The following SLC39A12 variants were observed in gnomAD, a reference collection of about 807,000 sequenced individuals.
SLC39A12 encodes zinc transporter ZIP12.
SLC39A12 carries 63 observed loss-of-function variants against 71.1 expected under a neutral mutation model. The ratio of observed to expected loss-of-function variants is 0.89; its 90% confidence interval spans 0.72 to 1.09. The LOEUF (loss-of-function observed/expected upper bound fraction) is 1.09, where lower values mean the gene tolerates loss of function less well. Ranked by LOEUF, SLC39A12 falls within the 50% of genes least tolerant of loss-of-function variation. The pLI is 0.00. For synonymous variants in SLC39A12, 351 were observed against 301.3 expected, an observed-to-expected ratio of 1.16 and a Z score of -1.71; for missense variants, 892 against 812.6, an observed-to-expected ratio of 1.10 and a Z score of -1.19.
chr10:17,981,775 C>T (rs751752836), intron 6 of SLC39A12, among the ~76,000 whole-genome samples: 5 of 152,232 alleles, frequency 3.3e-5, no homozygotes, highest in South Asian at 2.1e-4. Flanking sequence ...TTTCTAACCA[C>T]GATACATACT....
chr10:17,971,187 G>A lies in SLC39A12; in HGVS notation c.751+5497G>A, dbSNP rs559454145. 1.0e-4 allele frequency among the ~76,000 whole-genome samples: 15 copies of A among 147,484 alleles called. No homozygotes were observed. The East Asian group carries it at 1.8e-3, about 18-fold the overall frequency. ...AGTCATTATGAATGATCTTTTTAAT[G>A]GATTGTTGAATTCAATTGCTAGTAT... On this transcript the variant is annotated intron_variant, in intron 4 of 12. Coordinates refer to ENST00000377369, the MANE Select transcript of SLC39A12 (RefSeq NM_001145195.2).
intron 6 of SLC39A12, among the ~76,000 whole-genome samples, chr10:17,986,894 G>C (rs55812394): frequency 6.6e-6 from 1 of 152,008 alleles, no homozygotes; most frequent in African/African-American, 2.4e-5. Flanking sequence ...AGTCCCAGCT[G>C]CTCGAGGGTC....
At chr10:17,963,950 C>CTG (rs1834757758) in intron 3 of SLC39A12, among the ~76,000 whole-genome samples, 3 of 152,192 alleles carry the variant, frequency 2.0e-5, no homozygotes, top group Admixed American at 2.0e-4. Context: ...CCAAACCTCT[C>CTG]TGTGTTTTAT....
intron 2 of SLC39A12, among the ~76,000 whole-genome samples, chr10:17,960,189 A>G (rs1248821467): frequency 2.6e-5 from 4 of 152,190 alleles, no homozygotes; most frequent in African/African-American, 9.6e-5. Flanking sequence ...CATTATACCA[A>G]TGGAGGATTA....
chr10:17,983,981 G>C (rs953225825), intron 6 of SLC39A12, among the ~76,000 whole-genome samples: 9 of 152,166 alleles, frequency 5.9e-5, no homozygotes, highest in African/African-American at 1.9e-4. Flanking sequence ...CAACCGCTAA[G>C]CACCATCTTC....
chr10:17,986,554 A>T (rs1669853367), intron 6 of SLC39A12, among the ~76,000 whole-genome samples: 1 of 152,264 alleles, frequency 6.6e-6, no homozygotes, highest in Admixed American at 6.5e-5. Context: ...GGTGAAGAGT[A>T]TATGTTCTAA....
chr10:17,994,770 C>G (rs185536963), intron 9 of SLC39A12, among the ~76,000 whole-genome samples: 6 of 152,232 alleles, frequency 3.9e-5, no homozygotes, highest in Non-Finnish European at 5.9e-5. Context: ...TATTCTAATA[C>G]GTGAACTTTA....
intron 2 of SLC39A12, 45 bp downstream of exon 2, chr10:17,953,582 G>A (rs550784460): frequency 6.3e-7 from 1 of 1,593,510 alleles, no homozygotes; most frequent in East Asian, 2.2e-5. Flanking sequence ...ATGTCCAAAA[G>A]AAAGCAATGG....
At chr10:18,013,257 A>G (rs1589248193) in intron 12 of SLC39A12, among the ~76,000 whole-genome samples, 1 of 151,222 alleles carries the variant, frequency 6.6e-6, no homozygotes, top group Non-Finnish European at 1.5e-5. Context: ...AAAGCAAACT[A>G]AGAATTTTAA....
intron 12 of SLC39A12, among the ~76,000 whole-genome samples, chr10:18,036,139 T>TGGCA (rs199645169): frequency 0.043 from 6,480 of 152,324 alleles, 470 homozygotes; most frequent in African/African-American, 0.15. Flanking sequence ...GAGCCTGCAG[T>TGGCA]GGCAGGCAGG....
chr10:18,035,282 C>A (rs1473372866), intron 12 of SLC39A12, among the ~76,000 whole-genome samples: 1 of 142,298 alleles, frequency 7.0e-6, no homozygotes, highest in Non-Finnish European at 1.5e-5. Flanking sequence ...CTTTCAGGTA[C>A]ACCAATCAGA....
chr10:17,957,188 G>A (rs546602823), intron 2 of SLC39A12, among the ~76,000 whole-genome samples: 3 of 152,272 alleles, frequency 2.0e-5, no homozygotes, highest in South Asian at 4.1e-4. Context: ...TCTTACTGAT[G>A]TAGGAGAAGA....
Position 17,993,285 on chromosome 10 carries a change from C to T in SLC39A12, c.1527C>T (p.Ile509=), listed in dbSNP as rs1254251639. 3 of 1,547,526 alleles carry T rather than the reference C, an allele frequency of 1.9e-6. No homozygotes were observed. The highest frequency in any genetic ancestry group is 2.6e-6 in the Non-Finnish European group (3 of 1,143,006). Residue 509 remains isoleucine (I), a synonymous_variant, in exon 9 of 13, where the codon ATC becomes ATT. Transcript: ENST00000377369. Reference sequence around the variant, plus strand: ...GCAGAGGCAAATCTGCTTCAACTATCCAGTTGGTAGGTTCCTGATCTGAAG... The same window carrying T: ...GCAGAGGCAAATCTGCTTCAACTATTCAGTTGGTAGGTTCCTGATCTGAAG... ...QAGRGKSAST[I]QLKSPEDSQA... is the part of the protein sequence containing the mutation.
chr10:18,026,894 C>A (rs1836693038), intron 12 of SLC39A12, among the ~76,000 whole-genome samples: 1 of 151,972 alleles, frequency 6.6e-6, no homozygotes, highest in East Asian at 1.9e-4. Flanking sequence ...TTCCATTTTT[C>A]TGCTTACATT....
intron 6 of SLC39A12, among the ~76,000 whole-genome samples, chr10:17,982,442 CTG>C (rs1835284727): frequency 1.3e-5 from 2 of 148,178 alleles, no homozygotes; most frequent in Non-Finnish European, 1.5e-5. Context: ...TTTCTCAGAG[CTG>C]TGTTTCTTTC....
intron 12 of SLC39A12, among the ~76,000 whole-genome samples, chr10:18,025,768 T>C (rs1424637164): frequency 6.6e-6 from 1 of 152,190 alleles, no homozygotes; most frequent in East Asian, 1.9e-4. Context: ...GATTGCAGGG[T>C]CAAATTGTAT....
At chr10:17,979,361 A>G (rs1835196997) in intron 5 of SLC39A12, among the ~76,000 whole-genome samples, 1 of 152,232 alleles carries the variant, frequency 6.6e-6, no homozygotes, top group Non-Finnish European at 1.5e-5. Flanking sequence ...CTGAGAAGGT[A>G]TTGTAAAACT....
At chr10:17,960,426 C>A (rs1554848233) in intron 2 of SLC39A12, among the ~76,000 whole-genome samples, 1 of 152,116 alleles carries the variant, frequency 6.6e-6, no homozygotes, top group African/African-American at 2.4e-5. Flanking sequence ...TATTTTGGGG[C>A]AGTATGTTCT....
chr10:18,014,327 T>C (rs1344414193), intron 12 of SLC39A12, among the ~76,000 whole-genome samples: 2 of 152,208 alleles, frequency 1.3e-5, no homozygotes, highest in East Asian at 3.8e-4. Context: ...TAAATTTATA[T>C]ATTTGGATTT....
Sources: gnomAD v4.1 joint callset for allele counts (sites outside exome capture counted in the v4.1 genomes callset) on GRCh38, gnomAD v4.1.1 for gene constraint, MANE v1.5 for transcripts, NCBI Gene and HGNC (gene_info 2026-07-23, HGNC 2026-07-21) for gene names.